PCDHGA2: variants seen among roughly 807,000 people sequenced by gnomAD.
PCDHGA2 encodes the protein protocadherin gamma-A2.
In PCDHGA2, 40 loss-of-function variants were observed where a neutral mutation model predicts 59.2. The observed-to-expected ratio is 0.68, with a 90% CI of 0.52 to 0.88. PCDHGA2 has a LOEUF of 0.88. PCDHGA2 is among the 40% of genes least tolerant of loss of function. PCDHGA2 has a pLI of 0.00. For synonymous variants in PCDHGA2, 560 were observed against 526.0 expected (o/e 1.06, Z -0.89); for missense variants, 1,226 against 1,204.0 (o/e 1.02, Z -0.27).
intron 3 of PCDHGA2, among the ~76,000 whole-genome samples, chr5:141,507,582 T>G (rs1221383898): frequency 6.6e-6 from 1 of 152,264 alleles, no homozygotes; most frequent in Non-Finnish European, 1.5e-5. Flanking sequence ...AGATGCCAAG[T>G]TGGCCTCTTG....
At chr5:141,360,610 G>T (rs1761672138) in intron 1 of PCDHGA2, 1 of 1,614,000 alleles carries the variant, frequency 6.2e-7, no homozygotes, top group Non-Finnish European at 8.5e-7. Flanking sequence ...CCCAGCCCTG[G>T]ATTCAGATGT....
intron 1 of PCDHGA2, chr5:141,377,572 G>A (rs1046181930): frequency 4.6e-5 from 7 of 151,346 alleles, no homozygotes; most frequent in Admixed American, 1.3e-4. Context: ...CCCTAGCCTG[G>A]GAGACAGAAT....
At position 141,372,722 on chromosome 5, in the gene PCDHGA2, A is replaced by T. The variant is rs551482869; in HGVS notation, c.2424+31327A>T. 13 of 1,613,812 alleles carry T rather than the reference A, an allele frequency of 8.1e-6. No individual in the cohort carries two copies. The Admixed American group carries it at 2.2e-4, about 27-fold the overall frequency. The stretch of plus-strand genomic sequence containing the variant: ...TCAATATAAAGGCTGAAAATGCTGC[A>T]CCACAAGATCTTCTATGTGATGAAG... On this transcript the variant is annotated intron_variant, in intron 1 of 3. Coordinates refer to ENST00000394576, the MANE Select transcript of PCDHGA2 (RefSeq NM_018915.4).
chr5:141,478,499 G>A (rs77463374), intron 1 of PCDHGA2: 18 of 1,612,728 alleles, frequency 1.1e-5, no homozygotes, highest in African/African-American at 2.7e-5. Context: ...CTGTGATCCG[G>A]TGTTCTATAG....
chr5:141,344,747 C>G, intron 1 of PCDHGA2: 4 of 1,614,018 alleles, frequency 2.5e-6, no homozygotes, highest in Non-Finnish European at 3.4e-6. Context: ...CAAATGACAA[C>G]CCACCAATGT....
chr5:141,434,480 C>T (rs777049751), intron 1 of PCDHGA2, among the ~76,000 whole-genome samples: 6 of 152,194 alleles, frequency 3.9e-5, no homozygotes, highest in Non-Finnish European at 5.9e-5. Context: ...GGGCAAGGAA[C>T]ACCTGGCCCG....
chr5:141,430,477 A>G (rs1329218924), intron 1 of PCDHGA2: 1 of 244,524 alleles, frequency 4.1e-6, no homozygotes, highest in Non-Finnish European at 7.7e-6. Context: ...TATTTAAGAT[A>G]TAAAAACGAA....
At chr5:141,394,463 G>C (rs1244366845) in intron 1 of PCDHGA2, 1 of 1,614,130 alleles carries the variant, frequency 6.2e-7, no homozygotes, top group Non-Finnish European at 8.5e-7. Flanking sequence ...CACTGAGCCT[G>C]TTCGTGCTGG....
rs999250620 is a variant in PCDHGA2, at chr5:141,373,672, T to C, written c.2424+32277T>C. 5.3e-5 allele frequency among the ~76,000 whole-genome samples: 8 copies of C among 152,368 alleles called. No individual in the cohort carries two copies. The East Asian group carries it at 1.3e-3, about 26-fold the overall frequency. ...TAAGAGATATTTTCATAAAAATGAA[T>C]GGTAAACTTCAGAGAACATTTAAAA... On this transcript the variant is annotated intron_variant, in intron 1 of 3. Coordinates refer to ENST00000394576, the MANE Select transcript of PCDHGA2 (RefSeq NM_018915.4).
intron 1 of PCDHGA2, among the ~76,000 whole-genome samples, chr5:141,460,963 G>A (rs760674165): frequency 3.0e-4 from 27 of 89,804 alleles, no homozygotes; most frequent in Admixed American, 4.3e-4. Context: ...ATATATATAT[G>A]TGTGTGTGTG....
chr5:141,500,571 C>T (rs1171231755), intron 2 of PCDHGA2, among the ~76,000 whole-genome samples: 1 of 152,196 alleles, frequency 6.6e-6, no homozygotes, highest in African/African-American at 2.4e-5. Context: ...GTCACACTTT[C>T]ATGTGACACT....
rs1588462395 is a variant in PCDHGA2 at position 141,345,456 on chromosome 5, A to T, written c.2424+4061A>T. On this transcript the variant is annotated intron_variant, in intron 1 of 3. Coordinates refer to ENST00000394576, the MANE Select transcript of PCDHGA2 (RefSeq NM_018915.4). ...CAGAGGAGCCTCCATCTTCTCAGTG[A>T]CAGCCCAGGACCCAGATAGCAACAA... The T allele has an allele frequency of 6.2e-7, 1 of 1,614,112 alleles. No individual in the cohort carries two copies. Among genetic ancestry groups the T allele is most frequent in the Non-Finnish European group, 8.5e-7 (1 of 1,180,016 alleles).
intron 1 of PCDHGA2, chr5:141,413,768 TG>T (rs1158107882): frequency 2.5e-6 from 4 of 1,613,132 alleles, no homozygotes; most frequent in Non-Finnish European, 3.4e-6. Context: ...TACCCGGAGC[TG>T]GTACTGGAGC....
chr5:141,339,384 T>C lies in PCDHGA2; in HGVS notation c.413T>C (p.Leu138Pro), dbSNP rs1756831831. 1.9e-6 allele frequency: 3 copies of C among 1,614,238 alleles called. No individual in the cohort carries two copies. Among genetic ancestry groups the C allele is most frequent in the East Asian group, 2.2e-5 (1 of 44,892 alleles). Residue 138 changes from leucine (L) to proline (P), a missense_variant, in exon 1 of 4, where the codon CTG becomes CCG. Leu to Pro is a moderately conservative substitution (Grantham distance 98). Transcript: ENST00000394576. ...DNAPRFGVEE[L>P]ELKISETTTP... ...GCCCCTCGCTTTGGAGTAGAGGAAC[T>C]GGAGCTAAAAATCAGTGAAACCACT...
intron 1 of PCDHGA2, chr5:141,359,919 G>C (rs1761361638): frequency 2.3e-6 from 1 of 442,004 alleles, no homozygotes; most frequent in South Asian, 8.5e-5. Flanking sequence ...GCAGTTTCCT[G>C]AGAAAACCTC....
chr5:141,446,821 T>C lies in PCDHGA2; in HGVS notation c.2425-47986T>C, dbSNP rs183143971. ...CATTGTGATCATCTAGTCAGATGGG[T>C]AGATCCTTATAAGGCTGAGCATAAT... On this transcript the variant is annotated intron_variant, in intron 1 of 3. Coordinates refer to ENST00000394576, the MANE Select transcript of PCDHGA2 (RefSeq NM_018915.4). 1.6e-3 allele frequency among the ~76,000 whole-genome samples: 244 copies of C among 152,302 alleles called. 2 individuals carry two copies. The highest frequency in any genetic ancestry group is 5.4e-3 in the African/African-American group (223 of 41,572).
At chr5:141,410,481 G>A in intron 1 of PCDHGA2, 2 of 1,613,966 alleles carry the variant, frequency 1.2e-6, no homozygotes, top group Non-Finnish European at 1.7e-6. Context: ...GCACATACGG[G>A]TACAAAAGAG....
intron 1 of PCDHGA2, chr5:141,355,366 C>T: frequency 1.2e-6 from 2 of 1,614,036 alleles, no homozygotes; most frequent in Non-Finnish European, 8.5e-7. Context: ...GGGGTTGGCG[C>T]CCCGGGAGCT....
rs544058288 is a variant in PCDHGA2, at chr5:141,345,580, C to G, written c.2424+4185C>G. The stretch of plus-strand genomic sequence containing the variant: ...AACTCCAACACTGGCGTCCTATACG[C>G]GCTGAGATCCTTCGACTACGAGCAA... On this transcript the variant is annotated intron_variant, in intron 1 of 3. Transcript: ENST00000394576. 4.3e-6 allele frequency: 7 copies of G among 1,614,214 alleles called. No homozygotes were observed. In the South Asian group the frequency reaches 6.6e-5, roughly 15 times the overall value.
Sources: gnomAD v4.1 joint callset for allele counts (sites outside exome capture counted in the v4.1 genomes callset) on GRCh38, gnomAD v4.1.1 for gene constraint, MANE v1.5 for transcripts, NCBI Gene and HGNC (gene_info 2026-07-23, HGNC 2026-07-21) for gene names.